NRG1: variants seen among roughly 807,000 people sequenced by gnomAD.
NRG1 encodes pro-neuregulin-1, membrane-bound isoform.
NRG1 carries 18 observed loss-of-function variants against 63.8 expected under a neutral mutation model. That is an observed-to-expected ratio of 0.28 (90% CI 0.19 to 0.42). The LOEUF is 0.42. Ranked by LOEUF, NRG1 falls within the 10% of genes least tolerant of loss-of-function variation. The pLI, the probability that NRG1 is intolerant of heterozygous loss-of-function variation, is 1.00. For synonymous variants in NRG1, 302 were observed against 301.3 expected (o/e 1.00, Z -0.02); for missense variants, 762 against 814.7 (o/e 0.94, Z 0.79).
chr8:31,934,017 C>T (rs1835079327), intron 1 of NRG1, among the ~76,000 whole-genome samples: 1 of 152,138 alleles, frequency 6.6e-6, no homozygotes, highest in Non-Finnish European at 1.5e-5. Flanking sequence ...GACTTCAGAA[C>T]TACAAAGAGA....
intron 1 of NRG1, among the ~76,000 whole-genome samples, chr8:32,042,504 A>G (rs1820227087): frequency 2.0e-5 from 3 of 152,190 alleles, no homozygotes; most frequent in Admixed American, 6.5e-5. Flanking sequence ...CTAGCATATA[A>G]TGAAAAATTG....
intron 1 of NRG1, among the ~76,000 whole-genome samples, chr8:31,668,332 C>G (rs1806761244): frequency 6.6e-6 from 1 of 152,092 alleles, no homozygotes; most frequent in African/African-American, 2.4e-5. Context: ...TGCAGTTTTG[C>G]TTTTTGTGGA....
At chr8:32,338,245 T>C (rs1170733244) in intron 1 of NRG1, among the ~76,000 whole-genome samples, 2 of 152,204 alleles carry the variant, frequency 1.3e-5, no homozygotes, top group Admixed American at 1.3e-4. Flanking sequence ...GTCTTTGCCT[T>C]GGACTAAGTT....
At chr8:31,894,546 C>CTTTTTTTTTTTTTTTT (rs370312165) in intron 1 of NRG1, among the ~76,000 whole-genome samples, 1 of 98,068 alleles carries the variant, frequency 1.0e-5, no homozygotes, top group Non-Finnish European at 2.2e-5. Context: ...CTATTTCTTT[C>CTTTTTTTTTTTTTTTT]TTTTTTCTTT....
At chr8:32,464,792 ATT>A (rs1052390208) in intron 1 of NRG1, among the ~76,000 whole-genome samples, 1 of 111,022 alleles carries the variant, frequency 9.0e-6, no homozygotes, top group African/African-American at 2.7e-5. Flanking sequence ...TTTGTTTCTT[ATT>A]TTATTTTCTT....
chr8:31,662,528 T>A (rs1806096003), intron 1 of NRG1, among the ~76,000 whole-genome samples: 1 of 152,238 alleles, frequency 6.6e-6, no homozygotes, highest in African/African-American at 2.4e-5. Flanking sequence ...GGTTTCACTT[T>A]TGTCCATTGC....
intron 1 of NRG1, among the ~76,000 whole-genome samples, chr8:31,919,427 A>G (rs1833710335): frequency 6.6e-6 from 1 of 151,860 alleles, no homozygotes; most frequent in Non-Finnish European, 1.5e-5. Flanking sequence ...TAGCATTGAA[A>G]TATTAAATCC....
chr8:32,035,655 C>T (rs992963392), intron 1 of NRG1, among the ~76,000 whole-genome samples: 11 of 152,148 alleles, frequency 7.2e-5, no homozygotes, highest in South Asian at 2.1e-4. Context: ...GGATAGTTAA[C>T]TTTTCTTGTT....
intron 1 of NRG1, among the ~76,000 whole-genome samples, chr8:31,823,230 T>G (rs1403973908): frequency 2.7e-5 from 4 of 148,958 alleles, no homozygotes; most frequent in Non-Finnish European, 5.9e-5. Context: ...TTTGAATCAG[T>G]AACCCCATAC....
intron 1 of NRG1, among the ~76,000 whole-genome samples, chr8:32,549,784 TAA>T (rs1295035809): frequency 3.9e-5 from 6 of 152,328 alleles, no homozygotes; most frequent in Middle Eastern, 3.4e-3. Flanking sequence ...GCATGTCGAA[TAA>T]ATACTTGTTT....
chr8:31,640,329 C>A lies in NRG1; in HGVS notation c.37+898C>A. On this transcript the variant is annotated intron_variant, in intron 1 of 10. Coordinates refer to the NRG1 transcript ENST00000519301. This position sits in a 1 kb window ranked among gnomAD's most constrained non-coding sequence, Gnocchi z 6.3. ...AGGCAGGGGCGTGGGGCGGCGATCG[C>A]GAGCCGCCAGCCGCGGGCCCACGGG... 8.5e-7 allele frequency: 1 copy of A among 1,176,276 alleles called. No individual in the cohort carries two copies. The highest frequency in any genetic ancestry group is 1.0e-6 in the Non-Finnish European group (1 of 953,408). 72.9% of individuals were successfully genotyped at this position (1,176,276 alleles called of 1,614,324 possible). A position where few individuals can be genotyped will look rare whatever the true frequency, so the allele number is the denominator to read the frequency against.
chr8:32,606,446 A>G (rs1340577740), intron 3 of NRG1, among the ~76,000 whole-genome samples: 1 of 152,008 alleles, frequency 6.6e-6, no homozygotes, highest in East Asian at 1.9e-4. Context: ...AAACAAATGA[A>G]TGACTTAGAG....
At chr8:32,440,755 G>C (rs1289131825) in intron 1 of NRG1, 1 of 152,078 alleles carries the variant, frequency 6.6e-6, no homozygotes, top group Non-Finnish European at 1.5e-5. Context: ...TCTAGACAGA[G>C]GATGAAATGC....
chr8:32,764,215 A>G (rs1831213864), exon 12 of NRG1: 1 of 1,614,136 alleles, frequency 6.2e-7, no homozygotes. Context: ...GAAACAGAAG[A>G]TGAAAGAGTA....
At chr8:31,899,499 T>G (rs1475994900) in intron 1 of NRG1, among the ~76,000 whole-genome samples, 3 of 152,312 alleles carry the variant, frequency 2.0e-5, no homozygotes, top group African/African-American at 4.8e-5. Flanking sequence ...TACAGGGTAG[T>G]CATGGCTGCA....
At chr8:32,096,886 A>T (rs1293924081) in intron 1 of NRG1, among the ~76,000 whole-genome samples, 1 of 152,210 alleles carries the variant, frequency 6.6e-6, no homozygotes, top group East Asian at 1.9e-4. Flanking sequence ...AGAGGCAAAC[A>T]TCCAAACTGT....
At chr8:32,070,848 G>T (rs967004342) in intron 1 of NRG1, among the ~76,000 whole-genome samples, 2 of 152,154 alleles carry the variant, frequency 1.3e-5, no homozygotes, top group African/African-American at 4.8e-5. Context: ...ATCTGAAGTT[G>T]CCATCATAAC....
Position 32,472,737 on chromosome 8 carries a change from G to A in NRG1, c.38-123091G>A, listed in dbSNP as rs141110602. On this transcript the variant is annotated intron_variant, in intron 1 of 10. Coordinates refer to the NRG1 transcript ENST00000519301. Reference sequence around the variant, plus strand: ...CTGTGGGAGTGCTTTGTGTTTTGTAGCATGCATCTTACTAGTGCTTTTGTT... The same window carrying A: ...CTGTGGGAGTGCTTTGTGTTTTGTAACATGCATCTTACTAGTGCTTTTGTT... Among the ~76,000 whole-genome samples the A allele has an allele frequency of 2.0e-4, 30 of 152,286 alleles. No homozygotes were observed. The East Asian group carries it at 5.4e-3, about 27-fold the overall frequency.
chr8:32,441,114 A>C (rs977021482), intron 1 of NRG1: 10 of 152,146 alleles, frequency 6.6e-5, no homozygotes, highest in Non-Finnish European at 1.5e-4. Flanking sequence ...TATTGGTATT[A>C]AATATATAAA....
Sources: gnomAD v4.1 joint callset for allele counts (sites outside exome capture counted in the v4.1 genomes callset) on GRCh38, gnomAD v4.1.1 for gene constraint, Gnocchi (gnomAD v3.1) non-coding constraint, MANE v1.5 for transcripts, NCBI Gene and HGNC (gene_info 2026-07-23, HGNC 2026-07-21) for gene names.